Variants in CAND2 observed in about 807,000 individuals in gnomAD.
The protein encoded by CAND2 is cullin-associated NEDD8-dissociated protein 2.
A neutral mutation model predicts 98.9 loss-of-function variants in CAND2; 62 were observed. That is an observed-to-expected ratio of 0.63 (90% CI 0.51 to 0.77). The LOEUF is 0.77. Among genes scored for constraint, CAND2 ranks in the 30% least tolerant of loss-of-function variants. CAND2 has a pLI of 0.00. For synonymous variants in CAND2, 770 were observed against 731.9 expected, an observed-to-expected ratio of 1.05 and a Z score of -0.84; for missense variants, 1,501 against 1,655.2, an observed-to-expected ratio of 0.91 and a Z score of 1.62.
Position 12,816,910 on chromosome 3 carries a change from T to A in CAND2, c.1978T>A (p.Phe660Ile), listed in dbSNP as rs761087384. Residue 660 changes from phenylalanine to isoleucine, a missense_variant, in exon 10 of 15, where the codon TTC becomes ATC. By Grantham distance (21) the Phe-to-Ile change is conservative. Transcript: ENST00000456430. The stretch of plus-strand genomic sequence containing the variant: ...CGAGGCACTGCACATTCTGGCCTCA[T>A]TCCTGCGGAAGAACCAGCGGGCTTT... ...LAEALHILASFLRKNQRALRL... is the reference protein window; with the variant it reads ...LAEALHILASILRKNQRALRL... 1 of 1,613,826 alleles carries A rather than the reference T, an allele frequency of 6.2e-7. No individual in the cohort carries two copies. The highest frequency in any genetic ancestry group is 8.5e-7 in the Non-Finnish European group (1 of 1,180,020).
rs2062079229 is a variant in CAND2 at position 12,834,156 on chromosome 3, C to T, written c.*174C>T. ...CTTCTCCAGGGACCCAACTCAAAGG[C>T]CCCCAGCCCAAGCTGTGAGGCTGCC... On this transcript the variant is annotated 3_prime_UTR_variant, in exon 15 of 15. Transcript: ENST00000456430. 2 of 605,444 alleles carry T rather than the reference C, an allele frequency of 3.3e-6. No individual in the cohort carries two copies. The highest frequency in any genetic ancestry group is 5.8e-6 in the Non-Finnish European group (2 of 342,478). 37.5% of individuals were successfully genotyped at this position (605,444 alleles called of 1,614,324 possible).
At chr3:12,825,188 C>T (rs1486705179) in intron 11 of CAND2, among the ~76,000 whole-genome samples, 1 of 150,896 alleles carries the variant, frequency 6.6e-6, no homozygotes, top group African/African-American at 2.4e-5. Flanking sequence ...AGCATAGGTT[C>T]TGTTACGACT....
At position 12,810,276 on chromosome 3, in the gene CAND2, C is replaced by G; in HGVS notation, c.709C>G (p.Leu237Val). 6.7e-7 allele frequency: 1 copy of G among 1,503,628 alleles called. No individual in the cohort carries two copies. Among genetic ancestry groups the G allele is most frequent in the Non-Finnish European group, 8.9e-7 (1 of 1,127,784 alleles). The allele number at this position is 1,503,628 out of a possible 1,614,324, so 93.1% of individuals were successfully genotyped here. Residue 237 changes from leucine to valine, a missense_variant, in exon 5 of 15, where the codon CTG becomes GTG. This residue lies in a region of CAND2 where 1,427 missense variants were observed against 1,545.3 expected (regional missense o/e 0.92). Coordinates refer to ENST00000456430, the MANE Select transcript of CAND2 (RefSeq NM_001162499.2). ...CACCAGCCCGACTGCCATCCGCACC[C>G]TGATCCAATGTTTGGGCAGCGTCGG... ...VPTSPTAIRT[L>V]IQCLGSVGRQ...
rs1463212114 is a variant in CAND2 at position 12,816,555 on chromosome 3, C to T, written c.1623C>T (p.Ala541=). The T allele has an allele frequency of 2.5e-6, 4 of 1,613,954 alleles. No homozygotes were observed. Among genetic ancestry groups the T allele is most frequent in the Admixed American group, 1.7e-5 (1 of 60,026 alleles). Reference sequence around the variant, plus strand: ...CTTTCTACAAGATTGCAGCCGAGGCCCTGGTGGTGCTGCAGGAGCTGGTGC... The same window carrying T: ...CTTTCTACAAGATTGCAGCCGAGGCTCTGGTGGTGCTGCAGGAGCTGGTGC... ...ADSFYKIAAE[A]LVVLQELVRA... The change falls in exon 10 of 15, where the codon GCC becomes GCT. Residue 541 remains alanine (A), a synonymous_variant. Coordinates refer to ENST00000456430, the MANE Select transcript of CAND2 (RefSeq NM_001162499.2).
rs1297990240 is a variant in CAND2, at chr3:12,816,692, T to C, written c.1760T>C (p.Val587Ala). Residue 587 changes from valine to alanine, a missense_variant, in exon 10 of 15, where the codon GTG becomes GCG. Transcript: ENST00000456430. ...RLRATDLDQEVKERAISCMGH... is the reference protein window; with the variant it reads ...RLRATDLDQEAKERAISCMGH... ...CGTGCCACTGACCTGGACCAGGAGG[T>C]GAAGGAGCGGGCCATTTCCTGCATG... The C allele has an allele frequency of 6.2e-7, 1 of 1,613,550 alleles. No individual in the cohort carries two copies. The highest frequency in any genetic ancestry group is 1.1e-5 in the South Asian group (1 of 91,076).
At chr3:12,822,426 G>A (rs2061963759) in intron 11 of CAND2, among the ~76,000 whole-genome samples, 1 of 151,420 alleles carries the variant, frequency 6.6e-6, no homozygotes, top group African/African-American at 2.4e-5. Context: ...CCAAGTAGCT[G>A]GGATTACAGA....
At position 12,817,708 on chromosome 3, in the gene CAND2, C is replaced by A; in HGVS notation, c.2776C>A (p.Gln926Lys). ...ACTCAGGGAGGCCCTGGGGGCCGCC[C>A]AGCCTGACAGCCTGAAGCCCTACGC... ...HSLREALGAAQPDSLKPYAED... is the reference protein window; with the variant it reads ...HSLREALGAAKPDSLKPYAED... The change falls in exon 10 of 15, where the codon CAG becomes AAG. Residue 926 changes from glutamine (Q) to lysine (K), a missense_variant. Physicochemically the swap from Gln to Lys is moderately conservative, Grantham distance 53 (BLOSUM62 1). Around this residue, in one of 3 missense-constraint regions of CAND2, gnomAD observed 1,427 missense variants for 1,545.3 expected, o/e 0.92. Coordinates refer to ENST00000456430, the MANE Select transcript of CAND2 (RefSeq NM_001162499.2). 6.3e-7 allele frequency: 1 copy of A among 1,594,844 alleles called. No homozygotes were observed. The highest frequency in any genetic ancestry group is 8.5e-7 in the Non-Finnish European group (1 of 1,170,264).
chr3:12,831,001 G>A (rs1214983947), intron 13 of CAND2, among the ~76,000 whole-genome samples: 1 of 147,626 alleles, frequency 6.8e-6, no homozygotes, highest in Non-Finnish European at 1.5e-5. Flanking sequence ...CTGCAGCCAT[G>A]TTTAGTTGTT....
At chr3:12,799,855 G>T (rs73813557) in intron 1 of CAND2, among the ~76,000 whole-genome samples, 2 of 152,202 alleles carry the variant, frequency 1.3e-5, no homozygotes, top group African/African-American at 2.4e-5. Flanking sequence ...CAGGGGTAGG[G>T]CAGGGAGGTC....
At chr3:12,808,697 G>A (rs2061826100) in intron 4 of CAND2, among the ~76,000 whole-genome samples, 1 of 152,216 alleles carries the variant, frequency 6.6e-6, no homozygotes, top group South Asian at 2.1e-4. Context: ...GCTGATAGGA[G>A]CTCAGAGGAG....
chr3:12,823,209 A>C (rs1403410226), intron 11 of CAND2, among the ~76,000 whole-genome samples: 1 of 152,118 alleles, frequency 6.6e-6, no homozygotes. Context: ...GCTAGTCAAA[A>C]TACTCGAAGT....
At chr3:12,811,122 G>C (rs537564847) in intron 5 of CAND2, among the ~76,000 whole-genome samples, 62 of 143,068 alleles carry the variant, frequency 4.3e-4, no homozygotes, top group Non-Finnish European at 8.1e-4. Flanking sequence ...CACGGCGGGG[G>C]GTGGGGGGGG....
rs575226919 is a variant in CAND2 at position 12,815,315 on chromosome 3, C to G, written c.1181C>G (p.Ala394Gly). 1 of 1,614,026 alleles carries G rather than the reference C, an allele frequency of 6.2e-7. No individual in the cohort carries two copies. Among genetic ancestry groups the G allele is most frequent in the East Asian group, 2.2e-5 (1 of 44,894 alleles). ...AAAGAACGCGAGGAGAACGTCAAGG[C>G]TGACGTCTTCACTGCTTACATCGTG... is the stretch of plus-strand genomic sequence containing the variant. Reference protein sequence around the residue: ...RFKEREENVKADVFTAYIVLL... With the variant: ...RFKEREENVKGDVFTAYIVLL... Residue 394 changes from alanine (A) to glycine (G), a missense_variant, in exon 8 of 15, where the codon GCT (alanine) becomes GGT (glycine). Coordinates refer to ENST00000456430, the MANE Select transcript of CAND2 (RefSeq NM_001162499.2). The surrounding 1 kb of genome is among the most constrained non-coding windows in gnomAD (Gnocchi z 5.7).
intron 1 of CAND2, among the ~76,000 whole-genome samples, chr3:12,800,309 A>G (rs747087967): frequency 6.6e-6 from 1 of 152,208 alleles, no homozygotes; most frequent in African/African-American, 2.4e-5. Flanking sequence ...GGCTGCAGTG[A>G]CATCTAGGAG....
intron 10 of CAND2, among the ~76,000 whole-genome samples, chr3:12,819,748 C>T (rs1241781077): frequency 6.6e-6 from 1 of 152,140 alleles, no homozygotes; most frequent in Admixed American, 6.6e-5. Flanking sequence ...TTAATAGGAT[C>T]ATTGTTAGGA....
chr3:12,825,368 C>G (rs562403236), intron 11 of CAND2, 102 bp from the exon 12 acceptor site: 4 of 1,173,620 alleles, frequency 3.4e-6, no homozygotes, highest in African/African-American at 1.5e-5. Flanking sequence ...CCCCATTCAG[C>G]CAGTTCTGCA....
chr3:12,820,052 G>GC (rs2061943796), intron 10 of CAND2, 34 bp from the exon 11 acceptor site: 22 of 1,573,930 alleles, frequency 1.4e-5, no homozygotes, highest in Non-Finnish European at 1.8e-5. Flanking sequence ...ATTGGCCCCT[G>GC]CCCCTCACTA....
At chr3:12,831,404 G>A in intron 13 of CAND2, 61 bp from the exon 14 acceptor site, 3 of 1,377,570 alleles carry the variant, frequency 2.2e-6, no homozygotes, top group Non-Finnish European at 3.1e-6. Context: ...CTTTCCCAGG[G>A]CTGGCTGCTG....
Position 12,834,101 on chromosome 3 carries a change from C to T in CAND2, c.*119C>T, listed in dbSNP as rs561932261. On this transcript the variant is annotated 3_prime_UTR_variant, in exon 15 of 15. Transcript: ENST00000456430. ...GCCCTTCCACCATCTCACTGGGGGC[C>T]CTGTCGCTCCTGGTCAGGGCTTACA... 3.8e-6 allele frequency: 3 copies of T among 780,676 alleles called. No individual in the cohort carries two copies. The highest frequency in any genetic ancestry group is 3.4e-5 in the African/African-American group (2 of 58,160). The allele number at this position is 780,676 out of a possible 1,614,324, so 48.4% of individuals were successfully genotyped here. A position where few individuals can be genotyped will look rare whatever the true frequency, so the allele number is the denominator to read the frequency against.
Sources: allele counts gnomAD v4.1 joint callset (sites outside exome capture counted in the v4.1 genomes callset), GRCh38; gene constraint gnomAD v4.1.1; regional missense constraint gnomAD v4.1.1; non-coding constraint Gnocchi (gnomAD v3.1); transcripts MANE v1.5; gene names NCBI Gene and HGNC (gene_info 2026-07-23, HGNC 2026-07-21).